CNTN5: variants seen among roughly 807,000 people sequenced by gnomAD.
CNTN5 encodes the protein contactin 5.
CNTN5 carries 77 observed loss-of-function variants against 129.1 expected under a neutral mutation model. The observed-to-expected ratio is 0.60, with a 90% CI of 0.50 to 0.72. CNTN5 has a LOEUF of 0.72. Ranked by LOEUF, CNTN5 falls within the 30% of genes least tolerant of loss-of-function variation. CNTN5 has a pLI of 0.00. For synonymous variants in CNTN5, 509 were observed against 465.6 expected (o/e 1.09, Z -1.20); for missense variants, 1,478 against 1,328.8 (o/e 1.11, Z -1.75).
intron 2 of CNTN5, among the ~76,000 whole-genome samples, chr11:99,384,186 A>G (rs1389365602): frequency 2.6e-5 from 4 of 152,142 alleles, no homozygotes; most frequent in Non-Finnish European, 2.9e-5. Context: ...ATTTATTAAC[A>G]ATTTCCATTT....
intron 1 of CNTN5, among the ~76,000 whole-genome samples, chr11:99,138,492 C>A (rs1468196597): frequency 6.6e-6 from 1 of 152,044 alleles, no homozygotes. Flanking sequence ...AGTTCTTAAA[C>A]CAAGATAATT....
rs75262000 is a variant in CNTN5, at chr11:100,019,992, T to C, written c.980+17856T>C. On this transcript the variant is annotated intron_variant, in intron 9 of 24. Transcript: ENST00000524871. ...CTTGGCTCATTTTCTCATGAAGTTA[T>C]TTGTTTTATTGCTACTAAGTTTCTT... Among the ~76,000 whole-genome samples, 222 of 152,140 alleles carry C rather than the reference T, an allele frequency of 1.5e-3. 1 individual carries two copies. The highest frequency in any genetic ancestry group is 4.9e-3 in the African/African-American group (204 of 41,570).
intron 3 of CNTN5, among the ~76,000 whole-genome samples, chr11:99,619,943 G>A (rs1026173465): frequency 1.4e-5 from 2 of 146,456 alleles, no homozygotes; most frequent in African/African-American, 2.5e-5. Context: ...GGAGAATGGC[G>A]TGAACCCGGG....
At chr11:100,059,950 T>C (rs1943394178) in intron 9 of CNTN5, among the ~76,000 whole-genome samples, 1 of 152,102 alleles carries the variant, frequency 6.6e-6, no homozygotes, top group South Asian at 2.1e-4. Context: ...GGCTCATGCC[T>C]GTAATCCCAG....
At chr11:100,144,816 C>T (rs1223065855) in intron 13 of CNTN5, among the ~76,000 whole-genome samples, 1 of 151,254 alleles carries the variant, frequency 6.6e-6, no homozygotes, top group Non-Finnish European at 1.5e-5. Context: ...AAGCCCTGTA[C>T]TTGGTTATAA....
intron 3 of CNTN5, among the ~76,000 whole-genome samples, chr11:99,613,595 G>GA (rs1950662099): frequency 6.6e-6 from 1 of 152,116 alleles, no homozygotes; most frequent in African/African-American, 2.4e-5. Flanking sequence ...AGAAGAGAGA[G>GA]AAAAAGTACC....
chr11:99,773,163 C>T (rs113963387), intron 3 of CNTN5, among the ~76,000 whole-genome samples: 1 of 152,026 alleles, frequency 6.6e-6, no homozygotes, highest in African/African-American at 2.4e-5. Context: ...CTACATAAGT[C>T]AACCTGAATT....
rs530818118 is a variant in CNTN5 at position 99,533,066 on chromosome 11, T to A, written c.-70-23079T>A. On this transcript the variant is annotated intron_variant, in intron 2 of 24. Coordinates refer to ENST00000524871, the MANE Select transcript of CNTN5 (RefSeq NM_014361.4). ...GGCAAAACCACATCTCTATCAAAAA[T>A]ACAAAAATTAGCCATGTATAGTGAA... Among the ~76,000 whole-genome samples, 6 of 152,206 alleles carry A rather than the reference T, an allele frequency of 3.9e-5. No individual in the cohort carries two copies. The East Asian group carries it at 1.2e-3, about 29-fold the overall frequency.
intron 20 of CNTN5, among the ~76,000 whole-genome samples, chr11:100,303,706 G>T (rs1951283552): frequency 6.6e-6 from 1 of 151,606 alleles, no homozygotes; most frequent in Non-Finnish European, 1.5e-5. Flanking sequence ...CTCATTGCAA[G>T]TGGAGCTACC....
At chr11:99,456,247 G>C (rs966626703) in intron 2 of CNTN5, among the ~76,000 whole-genome samples, 2 of 151,904 alleles carry the variant, frequency 1.3e-5, no homozygotes, top group East Asian at 3.9e-4. Flanking sequence ...TCATTTAAAA[G>C]GATCATCAAC....
intron 3 of CNTN5, among the ~76,000 whole-genome samples, chr11:99,816,594 C>T (rs1007539661): frequency 7.2e-5 from 11 of 152,164 alleles, no homozygotes; most frequent in Admixed American, 4.6e-4. Flanking sequence ...TATTCCCATA[C>T]GTATTATCTC....
At chr11:100,261,160 A>C (rs1950188787) in intron 17 of CNTN5, among the ~76,000 whole-genome samples, 1 of 152,162 alleles carries the variant, frequency 6.6e-6, no homozygotes, top group South Asian at 2.1e-4. Context: ...ATAATAGACA[A>C]ACAGAGAGCC....
intron 9 of CNTN5, among the ~76,000 whole-genome samples, chr11:100,008,285 C>T (rs959033104): frequency 6.6e-6 from 1 of 152,046 alleles, no homozygotes; most frequent in Non-Finnish European, 1.5e-5. Context: ...AGCATTGCCA[C>T]AGACCTTCAA....
intron 3 of CNTN5, among the ~76,000 whole-genome samples, chr11:99,602,704 C>A (rs971660678): frequency 1.3e-5 from 2 of 151,632 alleles, no homozygotes; most frequent in African/African-American, 4.8e-5. Flanking sequence ...CCCTGTCTGA[C>A]AGCTTTGAAG....
chr11:99,762,991 C>T (rs1944634669), intron 3 of CNTN5, among the ~76,000 whole-genome samples: 1 of 152,082 alleles, frequency 6.6e-6, no homozygotes, highest in African/African-American at 2.4e-5. Context: ...GTGACTTTGA[C>T]ATCCTTATTT....
At chr11:100,122,255 A>G (rs1434438288) in intron 13 of CNTN5, among the ~76,000 whole-genome samples, 1 of 152,006 alleles carries the variant, frequency 6.6e-6, no homozygotes, top group Non-Finnish European at 1.5e-5. Flanking sequence ...TTGGAGTCCC[A>G]AGGTCAAAGA....
chr11:100,300,626 G>A (rs892205200), intron 20 of CNTN5, among the ~76,000 whole-genome samples: 1 of 151,502 alleles, frequency 6.6e-6, no homozygotes, highest in African/African-American at 2.4e-5. Context: ...CAAAGATAAT[G>A]TTTGATTTAA....
intron 23 of CNTN5, among the ~76,000 whole-genome samples, chr11:100,342,218 A>G (rs1456477978): frequency 6.6e-6 from 1 of 150,920 alleles, no homozygotes; most frequent in East Asian, 1.9e-4. Context: ...ATTGAATTTG[A>G]TCTTTTGCAG....
intron 2 of CNTN5, among the ~76,000 whole-genome samples, chr11:99,418,935 G>A (rs1306259396): frequency 6.6e-6 from 1 of 152,096 alleles, no homozygotes; most frequent in Non-Finnish European, 1.5e-5. Flanking sequence ...GAATTGTATG[G>A]GATAACATAT....
Sources: gnomAD v4.1 joint callset for allele counts (sites outside exome capture counted in the v4.1 genomes callset) on GRCh38, gnomAD v4.1.1 for gene constraint, MANE v1.5 for transcripts, NCBI Gene and HGNC (gene_info 2026-07-23, HGNC 2026-07-21) for gene names.